GABRB3: variants seen among roughly 807,000 people sequenced by gnomAD.
GABRB3 encodes gamma-aminobutyric acid receptor subunit beta-3.
Under a neutral mutation model 52.1 loss-of-function variants are expected in GABRB3, and 14 were observed. The observed-to-expected ratio is 0.27, with a 90% CI of 0.18 to 0.42. The LOEUF (loss-of-function observed/expected upper bound fraction) is 0.42, where lower values mean the gene tolerates loss of function less well. GABRB3 is among the 10% of genes least tolerant of loss of function. GABRB3 has a pLI of 1.00. For synonymous variants in GABRB3, 260 were observed against 232.3 expected (o/e 1.12, Z -1.08); for missense variants, 307 against 609.1 (o/e 0.50, Z 5.22).
chr15:26,708,338 T>C (rs1184882456), intron 3 of GABRB3, among the ~76,000 whole-genome samples: 1 of 152,200 alleles, frequency 6.6e-6, no homozygotes, highest in East Asian at 1.9e-4. Context: ...ATTTACCAAC[T>C]ACTATTCAGC....
chr15:26,626,099 T>G (rs1167457578), intron 3 of GABRB3, among the ~76,000 whole-genome samples: 1 of 152,202 alleles, frequency 6.6e-6, no homozygotes, highest in African/African-American at 2.4e-5. Flanking sequence ...TTTTGGTAAT[T>G]TTCACAAGAT....
At chr15:26,661,636 G>T (rs917554880) in intron 3 of GABRB3, among the ~76,000 whole-genome samples, 2 of 152,156 alleles carry the variant, frequency 1.3e-5, no homozygotes, top group South Asian at 4.1e-4. Flanking sequence ...AGCAAGAAGG[G>T]GTTTCAGGTA....
At chr15:26,741,803 T>C (rs192636728) in intron 3 of GABRB3, among the ~76,000 whole-genome samples, 278 of 152,150 alleles carry the variant, frequency 1.8e-3, no homozygotes, top group African/African-American at 6.3e-3. Context: ...GAGATGGGGG[T>C]CTCGCTATGT....
At position 26,611,455 on chromosome 15, in the gene GABRB3, G is replaced by C. The variant is rs540036585; in HGVS notation, c.461+9859C>G. 4.6e-5 allele frequency among the ~76,000 whole-genome samples: 7 copies of C among 152,264 alleles called. No individual in the cohort carries two copies. In the South Asian group the frequency reaches 1.5e-3, roughly 32 times the overall value. On this transcript the variant is annotated intron_variant, in intron 4 of 8. Transcript: ENST00000311550. The stretch of plus-strand genomic sequence containing the variant: ...AATATTATTAAGAATAAGAACTGCA[G>C]TGAATAATTTTGTATATAAAATACG...
intron 3 of GABRB3, among the ~76,000 whole-genome samples, chr15:26,665,124 T>C (rs1456182896): frequency 6.6e-6 from 1 of 152,216 alleles, no homozygotes; most frequent in African/African-American, 2.4e-5. Context: ...ATTTAAAATG[T>C]TAAAATACAA....
intron 3 of GABRB3, among the ~76,000 whole-genome samples, chr15:26,688,390 G>C (rs1042594964): frequency 6.6e-6 from 1 of 152,174 alleles, no homozygotes; most frequent in Non-Finnish European, 1.5e-5. Flanking sequence ...GGCGATGGCT[G>C]ACTTGAGGCT....
intron 3 of GABRB3, among the ~76,000 whole-genome samples, chr15:26,684,954 G>A (rs936554040): frequency 1.3e-5 from 2 of 152,166 alleles, no homozygotes; most frequent in Non-Finnish European, 2.9e-5. Flanking sequence ...TCAAAATCTG[G>A]CGCCAATAGA....
intron 8 of GABRB3, among the ~76,000 whole-genome samples, chr15:26,549,756 C>CA (rs1285188133): frequency 8.5e-5 from 13 of 152,226 alleles, no homozygotes; most frequent in African/African-American, 2.6e-4. Flanking sequence ...TGGCAGGATG[C>CA]AGTCAGACCA....
intron 3 of GABRB3, among the ~76,000 whole-genome samples, chr15:26,638,365 T>A (rs1005473092): frequency 6.6e-6 from 1 of 152,198 alleles, no homozygotes. Context: ...GCTGCTCTGC[T>A]CAGGGCTCCC....
rs547514950 is a variant in GABRB3 at position 26,579,707 on chromosome 15, T to C, written c.682+612A>G. Among the ~76,000 whole-genome samples the C allele has an allele frequency of 2.4e-4, 36 of 152,316 alleles. 1 individual carries two copies. The South Asian group carries it at 7.1e-3, about 30-fold the overall frequency. On this transcript the variant is annotated intron_variant, in intron 6 of 8. Transcript: ENST00000311550. ...TGCACACTGCAAAATATACATTTAG[T>C]AATTTAGTAAAAACCTGTGCAAGAA... is the stretch of plus-strand genomic sequence containing the variant.
chr15:26,574,388 G>A (rs1370003034), intron 6 of GABRB3, among the ~76,000 whole-genome samples: 4 of 152,030 alleles, frequency 2.6e-5, no homozygotes, highest in African/African-American at 9.7e-5. Context: ...TATGACCCAG[G>A]AATTCCACTC....
intron 3 of GABRB3, among the ~76,000 whole-genome samples, chr15:26,745,063 A>T (rs1890302673): frequency 6.6e-6 from 1 of 152,130 alleles, no homozygotes; most frequent in African/African-American, 2.4e-5. Flanking sequence ...AACAGGAGCA[A>T]GAGAGTGATT....
At chr15:26,613,704 C>T (rs974215770) in intron 4 of GABRB3, 2 of 151,936 alleles carry the variant, frequency 1.3e-5, no homozygotes, top group African/African-American at 4.8e-5. Flanking sequence ...GTGGCTTCCC[C>T]GTCATCATGG....
Position 26,621,130 on chromosome 15 carries a change from A to T in GABRB3, c.461+184T>A, listed in dbSNP as rs1046125665. 1.3e-5 allele frequency among the ~76,000 whole-genome samples: 2 copies of T among 150,880 alleles called. No homozygotes were observed. Among genetic ancestry groups the T allele is most frequent in the Admixed American group, 6.6e-5 (1 of 15,042 alleles). The stretch of plus-strand genomic sequence containing the variant: ...TTTTCAACTGCTTGTGACTATTTAC[A>T]GTAACAGTAATGCCCCAAATTTTAT... On this transcript the variant is annotated intron_variant, in intron 4 of 8. Transcript: ENST00000311550. The surrounding 1 kb of genome is among the most constrained non-coding windows in gnomAD (Gnocchi z 4.1).
At chr15:26,591,956 A>C (rs925302125) in intron 4 of GABRB3, among the ~76,000 whole-genome samples, 2 of 152,214 alleles carry the variant, frequency 1.3e-5, no homozygotes, top group African/African-American at 4.8e-5. Context: ...CAGATTACGG[A>C]CTACCCCCAT....
intron 3 of GABRB3, among the ~76,000 whole-genome samples, chr15:26,746,529 T>C (rs1285514443): frequency 6.6e-6 from 1 of 152,100 alleles, no homozygotes; most frequent in African/African-American, 2.4e-5. Context: ...GTCCTAAAGA[T>C]GTTTTTATGT....
intron 3 of GABRB3, among the ~76,000 whole-genome samples, chr15:26,742,671 T>C (rs781197372): frequency 2.6e-5 from 4 of 152,192 alleles, no homozygotes; most frequent in Non-Finnish European, 4.4e-5. Context: ...ACTGATTCAC[T>C]ACATCATCTT....
intron 3 of GABRB3, among the ~76,000 whole-genome samples, chr15:26,770,487 C>A (rs569697116): frequency 3.8e-4 from 58 of 152,302 alleles, no homozygotes; most frequent in Middle Eastern, 6.8e-3. Context: ...ACAAATTAGG[C>A]AAACACTGAT....
At chr15:26,756,284 A>T (rs892207841) in intron 3 of GABRB3, among the ~76,000 whole-genome samples, 3 of 151,964 alleles carry the variant, frequency 2.0e-5, no homozygotes, top group Admixed American at 1.3e-4. Context: ...AAATATACAG[A>T]ACAGGCTGGG....
Sources: gnomAD v4.1 joint callset for allele counts (sites outside exome capture counted in the v4.1 genomes callset) on GRCh38, gnomAD v4.1.1 for gene constraint, Gnocchi (gnomAD v3.1) non-coding constraint, MANE v1.5 for transcripts, NCBI Gene and HGNC (gene_info 2026-07-23, HGNC 2026-07-21) for gene names.